PAH: variants seen among roughly 807,000 people sequenced by gnomAD.
PAH encodes phenylalanine hydroxylase, also known as phenylalanine-4-hydroxylase.
A neutral mutation model predicts 62.0 loss-of-function variants in PAH; 64 were observed. The ratio of observed to expected loss-of-function variants is 1.03; its 90% CI spans 0.84 to 1.27. PAH has a LOEUF of 1.27. PAH is among the 50% of genes most tolerant of loss of function. The probability of loss-of-function intolerance (pLI) is 0.00; values close to 1 mark genes in which losing one functional copy is unlikely to be tolerated. For missense variants in PAH, 579 were observed against 542.8 expected, an observed-to-expected ratio of 1.07 and a Z score of -0.66; for synonymous variants, 195 against 196.2, an observed-to-expected ratio of 0.99 and a Z score of 0.05.
chr12:102,894,870 T>G lies in PAH; in HGVS notation c.217A>C (p.Lys73Gln). Residue 73 changes from lysine to glutamine, a missense_variant, in exon 3 of 13, where the codon AAG becomes CAG. Coordinates refer to ENST00000553106, the MANE Select transcript of PAH (RefSeq NM_000277.3). ...GTGAAAAATTCATACTCATCTTTCT[T>G]TAAACGAGAAGGTCTAGATTCAATG... ...THIESRPSRL[K>Q]KDEYEFFTHL... is the part of the protein sequence containing the mutation. 3.1e-6 allele frequency: 5 copies of G among 1,613,960 alleles called. No individual in the cohort carries two copies. The highest frequency in any genetic ancestry group is 4.2e-6 in the Non-Finnish European group (5 of 1,179,892).
intron 6 of PAH, chr12:102,853,391 G>C (rs747536660): frequency 8.0e-5 from 23 of 288,052 alleles, no homozygotes; most frequent in Non-Finnish European, 1.2e-4. Context: ...AGTGCTTCCA[G>C]CTTCTGTACT....
chr12:102,897,163 T>G (rs1403674683), intron 2 of PAH, among the ~76,000 whole-genome samples: 1 of 152,158 alleles, frequency 6.6e-6, no homozygotes. Flanking sequence ...TCCCATTGCC[T>G]TCCAGAAAGT....
chr12:102,890,048 GTTGGGGTT>G (rs1293430496), intron 3 of PAH, among the ~76,000 whole-genome samples: 2 of 152,212 alleles, frequency 1.3e-5, no homozygotes, highest in African/African-American at 4.8e-5. Context: ...ATTTGAGAAG[GTTGGGGTT>G]TCTTTACCAT....
intron 4 of PAH, among the ~76,000 whole-genome samples, chr12:102,868,802 G>A (rs560982630): frequency 1.3e-4 from 20 of 152,286 alleles, no homozygotes; most frequent in Middle Eastern, 3.4e-3. Flanking sequence ...AAATAAACAT[G>A]TAATATTGGT....
chr12:102,847,527 T>C (rs1472421634), intron 8 of PAH: 1 of 158,274 alleles, frequency 6.3e-6, no homozygotes, highest in Non-Finnish European at 1.4e-5. Context: ...TATATATTAA[T>C]TCACTCTCAA....
rs199475572 is a variant in PAH at position 102,877,475 on chromosome 12, T to C, written c.428A>G (p.Asp143Gly). ...NQILSYGAEL[D>G]ADHPGFKDPV... ...CCATGGACTCACAGGGTGGTCAGCATCCAGTTCCGCTCCATAGCTGAGAAT... is the reference window on the plus strand; with the variant it reads ...CCATGGACTCACAGGGTGGTCAGCACCCAGTTCCGCTCCATAGCTGAGAAT... Residue 143 changes from aspartate (D) to glycine (G), a missense_variant, in exon 4 of 13, where the codon GAT (aspartate) becomes GGT (glycine). Coordinates refer to ENST00000553106, the MANE Select transcript of PAH (RefSeq NM_000277.3). 6.2e-6 allele frequency: 10 copies of C among 1,613,688 alleles called. No individual in the cohort carries two copies. The highest frequency in any genetic ancestry group is 7.6e-6 in the Non-Finnish European group (9 of 1,179,666).
intron 1 of PAH, among the ~76,000 whole-genome samples, chr12:102,949,354 G>C (rs566884973): frequency 1.3e-5 from 2 of 152,328 alleles, no homozygotes; most frequent in South Asian, 2.1e-4. Flanking sequence ...AGGGCAGTGG[G>C]AGAAGAACAG....
chr12:102,902,101 A>C (rs190313512), intron 2 of PAH, among the ~76,000 whole-genome samples: 1 of 152,310 alleles, frequency 6.6e-6, no homozygotes, highest in Non-Finnish European at 1.5e-5. Flanking sequence ...CGAAGTCATA[A>C]AAAAATAAAC....
chr12:102,907,179 T>G (rs1878009547), intron 2 of PAH, among the ~76,000 whole-genome samples: 1 of 152,184 alleles, frequency 6.6e-6, no homozygotes, highest in Admixed American at 6.5e-5. Context: ...TGTCTTGCAT[T>G]TAAATGCATT....
chr12:102,865,170 T>C (rs530008873), intron 5 of PAH, among the ~76,000 whole-genome samples: 4 of 152,262 alleles, frequency 2.6e-5, no homozygotes, highest in African/African-American at 7.2e-5. Context: ...CACATTTCTA[T>C]GAGAAGGAGG....
rs560171160 is a variant in PAH, at chr12:102,900,329, G to C, written c.169-5411C>G. On this transcript the variant is annotated intron_variant, in intron 2 of 12. Coordinates refer to ENST00000553106, the MANE Select transcript of PAH (RefSeq NM_000277.3). The stretch of plus-strand genomic sequence containing the variant: ...CTCCCAAAGTGCCGGGATTACAGGC[G>C]TGAGCCACTGTGCCCAGACACATTT... 2.1e-4 allele frequency among the ~76,000 whole-genome samples: 32 copies of C among 152,218 alleles called. No individual in the cohort carries two copies. In the South Asian group the frequency reaches 6.2e-3, roughly 30 times the overall value.
intron 2 of PAH, among the ~76,000 whole-genome samples, chr12:102,906,403 A>G (rs1338865897): frequency 6.6e-6 from 1 of 152,192 alleles, no homozygotes; most frequent in African/African-American, 2.4e-5. Context: ...AAAAAAATTG[A>G]ACAAAATACT....
intron 1 of PAH, chr12:102,923,522 A>G (rs1439605778): frequency 6.6e-6 from 1 of 152,210 alleles, no homozygotes; most frequent in Non-Finnish European, 1.5e-5. Context: ...GGACCAGAAC[A>G]AATGTTAGGT....
chr12:102,914,865 CTCA>C (rs1468878800), intron 1 of PAH, among the ~76,000 whole-genome samples: 2 of 152,218 alleles, frequency 1.3e-5, no homozygotes, highest in East Asian at 3.8e-4. Context: ...CAAGTCTGAT[CTCA>C]TCTTCTCCAG....
rs549252036 is a variant in PAH at position 102,839,164 on chromosome 12, T to C, written c.*11A>G. ...GATTCACAGCTGACAGACCACATTC[T>C]GTCCATGGCTTTACTTTATTTTCTG... On this transcript the variant is annotated 3_prime_UTR_variant, in exon 13 of 13. Transcript: ENST00000553106. The C allele has an allele frequency of 5.0e-6, 8 of 1,612,794 alleles. No individual in the cohort carries two copies. The Admixed American group carries it at 1.0e-4, about 20-fold the overall frequency.
chr12:102,866,450 T>C (rs1227436439), intron 5 of PAH, 146 bp downstream of exon 5: 5 of 731,834 alleles, frequency 6.8e-6, no homozygotes, highest in East Asian at 2.6e-5. Flanking sequence ...CACACACACA[T>C]ACACGCATGC....
chr12:102,903,110 C>G (rs1877827331), intron 2 of PAH, among the ~76,000 whole-genome samples: 1 of 152,208 alleles, frequency 6.6e-6, no homozygotes, highest in Admixed American at 6.5e-5. Flanking sequence ...CCTGTAATCC[C>G]AGCACCCTGG....
chr12:102,851,562 G>T (rs756299116), intron 8 of PAH, 125 bp downstream of exon 8: 1 of 772,032 alleles, frequency 1.3e-6, no homozygotes, highest in Non-Finnish European at 2.3e-6. Flanking sequence ...TTTCAGGTGG[G>T]ATCATAGAAC....
At chr12:102,932,808 A>G (rs1344703329) in intron 1 of PAH, among the ~76,000 whole-genome samples, 1 of 151,240 alleles carries the variant, frequency 6.6e-6, no homozygotes, top group Non-Finnish European at 1.5e-5. Flanking sequence ...CATTATTTTA[A>G]TTTTTAATTT....
Sources: allele counts gnomAD v4.1 joint callset (sites outside exome capture counted in the v4.1 genomes callset), GRCh38; gene constraint gnomAD v4.1.1; transcripts MANE v1.5; gene names NCBI Gene and HGNC (gene_info 2026-07-23, HGNC 2026-07-21).